CLCN6: variants seen among roughly 807,000 people sequenced by gnomAD.
The protein encoded by CLCN6 is Cl-/H+ antiporter 6.
CLCN6 carries 70 observed loss-of-function variants against 109.8 expected under a neutral mutation model. The observed-to-expected ratio is 0.64, with a 90% CI of 0.53 to 0.78. CLCN6 has a LOEUF of 0.78. Ranked by LOEUF, CLCN6 falls within the 30% of genes least tolerant of loss-of-function variation. The pLI is 0.00. For synonymous variants in CLCN6, 444 were observed against 447.8 expected (o/e 0.99, Z 0.11); for missense variants, 984 against 1,142.3 (o/e 0.86, Z 2.00).
At position 11,834,616 on chromosome 1, in the gene CLCN6, C is replaced by G; in HGVS notation, c.1793+26C>G. The stretch of plus-strand genomic sequence containing the variant: ...GTAAGGCCATGATTTTGCTCATGTC[C>G]TAGTTTCAGAATGTATAAGCTCTGA... On this transcript the variant is annotated intron_variant, in intron 17 of 22. Coordinates refer to ENST00000346436, the MANE Select transcript of CLCN6 (RefSeq NM_001286.5). The surrounding 1 kb of genome is among the most constrained non-coding windows in gnomAD (Gnocchi z 4.5). The G allele has an allele frequency of 1.3e-6, 2 of 1,582,370 alleles. No individual in the cohort carries two copies. Among genetic ancestry groups the G allele is most frequent in the Non-Finnish European group, 1.7e-6 (2 of 1,151,706 alleles).
rs1042006362 is a variant in CLCN6, at chr1:11,822,931, A to G, written c.453+130A>G. On this transcript the variant is annotated intron_variant, in intron 6 of 22. Transcript: ENST00000346436. ...TGCAGAAAGTGGCCTCTTGTTCACT[A>G]AAGGTAAAGGTTTCACCTCTGGTGA... The G allele has an allele frequency of 1.2e-5, 8 of 644,508 alleles. No individual in the cohort carries two copies. The African/African-American group carries it at 1.3e-4, about 10-fold the overall frequency. 39.9% of individuals were successfully genotyped at this position (644,508 alleles called of 1,614,324 possible). A position where few individuals can be genotyped will look rare whatever the true frequency, so the allele number is the denominator to read the frequency against.
At chr1:11,838,817 A>G (rs755909332) in intron 22 of CLCN6, 157 bp downstream of exon 22, 8 of 1,090,960 alleles carry the variant, frequency 7.3e-6, no homozygotes, top group East Asian at 2.4e-5. Flanking sequence ...GCTTCCGTGC[A>G]CTCGGGACCC....
chr1:11,826,302 A>G lies in CLCN6; in HGVS notation c.707+88A>G, dbSNP rs1228286110. On this transcript the variant is annotated intron_variant, in intron 9 of 22. Coordinates refer to ENST00000346436, the MANE Select transcript of CLCN6 (RefSeq NM_001286.5). ...GACTCGACACTTGCTCTAGCCTGGC[A>G]GTATCCCCTGCGGGGAAACCCGACT... 7 of 1,130,328 alleles carry G rather than the reference A, an allele frequency of 6.2e-6. No homozygotes were observed. The East Asian group carries it at 7.1e-5, about 11-fold the overall frequency. 70.0% of individuals were successfully genotyped at this position (1,130,328 alleles called of 1,614,324 possible).
At chr1:11,835,875 TG>T in intron 17 of CLCN6, 91 bp from the exon 18 acceptor site, 1 of 1,016,640 alleles carries the variant, frequency 9.8e-7, no homozygotes, top group Non-Finnish European at 1.4e-6. Flanking sequence ...ACCCCGCCCG[TG>T]GTCTGAGCAG....
At chr1:11,817,295 T>C (rs542679784) in intron 4 of CLCN6, among the ~76,000 whole-genome samples, 2 of 152,274 alleles carry the variant, frequency 1.3e-5, no homozygotes, top group South Asian at 4.1e-4. Context: ...ACTGTGAACA[T>C]CGTGCCCTTC....
At chr1:11,813,312 T>C (rs1014461171) in intron 2 of CLCN6, among the ~76,000 whole-genome samples, 4 of 152,232 alleles carry the variant, frequency 2.6e-5, no homozygotes, top group African/African-American at 7.2e-5. Context: ...GGTGCATATA[T>C]GTTTAATCAC....
chr1:11,833,673 T>C, intron 14 of CLCN6, 35 bp downstream of exon 14: 2 of 1,611,582 alleles, frequency 1.2e-6, no homozygotes, highest in African/African-American at 1.3e-5. Context: ...TCGTGGGTGA[T>C]TGGTGTCATC....
In CLCN6 at chr1:11,842,769, G is replaced by C. The variant is rs1208659739; in HGVS notation, c.*2546G>C. 6.6e-6 allele frequency: 1 copy of C among 152,232 alleles called. No individual in the cohort carries two copies. Among genetic ancestry groups the C allele is most frequent in the Non-Finnish European group, 1.5e-5 (1 of 68,042 alleles). The allele number at this position is 152,232 out of a possible 1,614,324, so 9.4% of individuals were successfully genotyped here. On this transcript the variant is annotated 3_prime_UTR_variant, in exon 23 of 23. Transcript: ENST00000346436. The stretch of plus-strand genomic sequence containing the variant: ...GCTCCTGACCTTGATTAACTTAACA[G>C]TTCCCAGCTGGAAGGGACACTTTCA...
chr1:11,837,635 A>C, intron 20 of CLCN6, 136 bp downstream of exon 20: 1 of 836,564 alleles, frequency 1.2e-6, no homozygotes, highest in Non-Finnish European at 1.8e-6. Context: ...GACTTAGGGG[A>C]GGAGTCGCCA....
intron 6 of CLCN6, among the ~76,000 whole-genome samples, chr1:11,823,247 G>A (rs1349767702): frequency 1.3e-5 from 2 of 152,246 alleles, no homozygotes; most frequent in South Asian, 2.1e-4. Flanking sequence ...ACCTAAGATC[G>A]GGAGTTTGAG....
intron 2 of CLCN6, among the ~76,000 whole-genome samples, chr1:11,812,964 G>A (rs1644621299): frequency 6.6e-6 from 1 of 152,074 alleles, no homozygotes; most frequent in Admixed American, 6.5e-5. Flanking sequence ...CCTAGAGCCT[G>A]GACAAACTGT....
chr1:11,834,123 T>C lies in CLCN6; in HGVS notation c.1526+93T>C, dbSNP rs114334618. On this transcript the variant is annotated intron_variant, in intron 15 of 22. Transcript: ENST00000346436. The surrounding 1 kb of genome is among the most constrained non-coding windows in gnomAD (Gnocchi z 4.5). ...GTGTGCGTGTGCGTGCGTTGATGTG[T>C]CTGTGCCCATGCATGCACATATGTG... 2.5e-4 allele frequency: 393 copies of C among 1,593,560 alleles called. No homozygotes were observed. The African/African-American group carries it at 4.8e-3, about 19-fold the overall frequency.
At chr1:11,808,308 G>C (rs1314651993) in intron 2 of CLCN6, among the ~76,000 whole-genome samples, 1 of 150,522 alleles carries the variant, frequency 6.6e-6, no homozygotes, top group Non-Finnish European at 1.5e-5. Context: ...TGCCCAGGCT[G>C]TTCTCGAACT....
In CLCN6 at chr1:11,838,387, G is replaced by A. The variant is rs749005644; in HGVS notation, c.2348G>A (p.Arg783Gln). ...SYAEMAEDYP[R>Q]YPDIHDLDLT... is the part of the protein sequence containing the mutation. ...GCCGAGATGGCCGAGGACTACCCGC[G>A]GTACCCCGACATCCACGACCTGGAC... Residue 783 changes from arginine to glutamine, a missense_variant, in exon 21 of 23, where the codon CGG becomes CAG. By Grantham distance (43) the Arg-to-Gln change is conservative (BLOSUM62 1). Transcript: ENST00000346436. The A allele has an allele frequency of 8.1e-6, 13 of 1,613,822 alleles. No homozygotes were observed. The Admixed American group carries it at 1.5e-4, about 19-fold the overall frequency.
chr1:11,815,557 G>A (rs1170361128), intron 2 of CLCN6, among the ~76,000 whole-genome samples: 1 of 152,156 alleles, frequency 6.6e-6, no homozygotes, highest in Non-Finnish European at 1.5e-5. Flanking sequence ...CACCATGCCT[G>A]GCTAATTTTG....
intron 18 of CLCN6, among the ~76,000 whole-genome samples, chr1:11,836,790 T>A (rs909016741): frequency 6.6e-6 from 1 of 152,120 alleles, no homozygotes; most frequent in Non-Finnish European, 1.5e-5. Context: ...CTTCCCAGAT[T>A]AAAGGAAACC....
intron 2 of CLCN6, 147 bp downstream of exon 2, chr1:11,807,337 G>A: frequency 2.9e-6 from 2 of 682,672 alleles, no homozygotes; most frequent in East Asian, 2.7e-5. Flanking sequence ...CTAGGAAAGA[G>A]ACTGTTTAGC....
chr1:11,824,655 C>T, intron 8 of CLCN6, 102 bp downstream of exon 8: 2 of 836,150 alleles, frequency 2.4e-6, no homozygotes, highest in Non-Finnish European at 3.6e-6. Context: ...ACATTGGAAC[C>T]TGGTGCCATT....
chr1:11,821,505 G>A (rs185217449), intron 5 of CLCN6, among the ~76,000 whole-genome samples: 53 of 152,266 alleles, frequency 3.5e-4, no homozygotes, highest in Non-Finnish European at 6.6e-4. Context: ...GCAGTGAGCC[G>A]AGATTGCAAC....
Sources: allele counts gnomAD v4.1 joint callset (sites outside exome capture counted in the v4.1 genomes callset), GRCh38; gene constraint gnomAD v4.1.1; non-coding constraint Gnocchi (gnomAD v3.1); transcripts MANE v1.5; gene names NCBI Gene and HGNC (gene_info 2026-07-23, HGNC 2026-07-21).